C1orf159: variants seen among roughly 807,000 people sequenced by gnomAD.
C1orf159 encodes the protein chromosome 1 open reading frame 159, also known as uncharacterized protein C1orf159.
In C1orf159, 19 loss-of-function variants were observed where a neutral mutation model predicts 25.6. The observed-to-expected ratio is 0.74, with a 90% confidence interval of 0.52 to 1.09. The LOEUF (loss-of-function observed/expected upper bound fraction) is 1.09. Among genes scored for constraint, C1orf159 ranks in the 50% least tolerant of loss-of-function variants. C1orf159 has a pLI of 0.00. For missense variants in C1orf159, 274 were observed against 290.6 expected (o/e 0.94, Z 0.42); for synonymous variants, 139 against 124.7 (o/e 1.12, Z -0.77).
chr1:1,087,150 C>T lies in C1orf159; in HGVS notation c.299G>A (p.Arg100Gln), dbSNP rs144168476. ...PMNRSSGTPG[R>Q]PHPGAPRVAA... ...CTGCTGAGACTTACCAGGATGTGGC[C>T]GCCCGGGGGTCCCTGAGCTTCTGTT... Residue 100 changes from arginine to glutamine, a missense_variant, in exon 6 of 10, where the codon CGG becomes CAG. By Grantham distance (43) the Arg-to-Gln change is conservative. Transcript: ENST00000421241. The surrounding 1 kb of genome is among the most constrained non-coding windows in gnomAD (Gnocchi z 8.3). The T allele has an allele frequency of 4.0e-5, 64 of 1,609,426 alleles. No individual in the cohort carries two copies. The highest frequency in any genetic ancestry group is 6.7e-5 in the East Asian group (3 of 44,890).
intron 1 of C1orf159, among the ~76,000 whole-genome samples, chr1:1,115,255 C>T (rs763707880): frequency 3.4e-5 from 5 of 146,054 alleles, no homozygotes; most frequent in Non-Finnish European, 5.9e-5. Flanking sequence ...ACTCAATCAT[C>T]GACTCGCTGC....
intron 1 of C1orf159, among the ~76,000 whole-genome samples, chr1:1,101,647 G>C (rs1284165958): frequency 6.6e-6 from 1 of 151,974 alleles, no homozygotes; most frequent in Non-Finnish European, 1.5e-5. Flanking sequence ...CTATCAATCA[G>C]CTCACAGTCT....
chr1:1,084,278 G>GGC, intron 9 of C1orf159, 75 bp downstream of exon 9: 1 of 1,520,422 alleles, frequency 6.6e-7, no homozygotes, highest in Non-Finnish European at 8.8e-7. Flanking sequence ...CCCGTTTGGG[G>GGC]ACAAACCCAC....
rs533423837 is a variant in C1orf159 at position 1,084,353 on chromosome 1, C to T, written c.502G>A (p.Val168Ile). Residue 168 changes from valine (V) to isoleucine (I), a missense_variant and splice_region_variant, in exon 9 of 10, where the codon GTA becomes ATA. Coordinates refer to ENST00000421241, the MANE Select transcript of C1orf159 (RefSeq NM_017891.5). ...AAMIPPPQSS[V>I]RKPRYVRRER... ...AGGGGGATGCGACAGCTGCTGTTAC[C>T]TGAGGACTGTGGCGGGGGGATCATT... 1 of 1,559,636 alleles carries T rather than the reference C, an allele frequency of 6.4e-7. No individual in the cohort carries two copies. The highest frequency in any genetic ancestry group is 2.3e-5 in the East Asian group (1 of 44,186).
intron 7 of C1orf159, among the ~76,000 whole-genome samples, chr1:1,085,016 T>C (rs1416009821): frequency 6.6e-6 from 1 of 152,146 alleles, no homozygotes; most frequent in South Asian, 2.1e-4. Flanking sequence ...GACCAAGCCC[T>C]GAGCCCTGCT....
At chr1:1,098,661 C>G (rs916806443) in intron 1 of C1orf159, among the ~76,000 whole-genome samples, 1 of 152,152 alleles carries the variant, frequency 6.6e-6, no homozygotes, top group Non-Finnish European at 1.5e-5. Flanking sequence ...TCTTCTTGCC[C>G]AGGCTGGGGT....
intron 1 of C1orf159, among the ~76,000 whole-genome samples, chr1:1,103,165 A>G (rs1000040358): frequency 3.3e-5 from 5 of 152,176 alleles, no homozygotes; most frequent in African/African-American, 1.2e-4. Flanking sequence ...TGTTTGACCT[A>G]AAATTCCCAT....
In C1orf159 at chr1:1,082,908, A is replaced by G; in HGVS notation, c.582T>C (p.Arg194=). The change falls in exon 10 of 10, where the codon CGT becomes CGC. Residue 194 remains arginine, a synonymous_variant. Coordinates refer to ENST00000421241, the MANE Select transcript of C1orf159 (RefSeq NM_017891.5). ...TDPAAFPGEA[R]ISNV ...GGCCTCCAGGTCAGACATTGCTGATACGGGCCTCCCCCGGGAAGGCAGCGG... is the reference window on the plus strand; with the variant it reads ...GGCCTCCAGGTCAGACATTGCTGATGCGGGCCTCCCCCGGGAAGGCAGCGG... 1 of 1,595,038 alleles carries G rather than the reference A, an allele frequency of 6.3e-7. No homozygotes were observed.
intron 1 of C1orf159, among the ~76,000 whole-genome samples, chr1:1,103,350 T>C (rs1160676854): frequency 1.3e-5 from 2 of 152,240 alleles, no homozygotes; most frequent in Non-Finnish European, 2.9e-5. Flanking sequence ...CCTTCGAGAA[T>C]GGCTCACATT....
chr1:1,086,114 C>A (rs550581976), intron 6 of C1orf159, 102 bp from the exon 7 acceptor site: 1 of 1,406,534 alleles, frequency 7.1e-7, no homozygotes, highest in African/African-American at 1.4e-5. Context: ...GCTCTCTGAA[C>A]ATGCCTGAGC....
intron 1 of C1orf159, among the ~76,000 whole-genome samples, chr1:1,094,452 G>A (rs1389624574): frequency 6.6e-6 from 1 of 151,916 alleles, no homozygotes; most frequent in Non-Finnish European, 1.5e-5. Flanking sequence ...CCAGGCTGGA[G>A]TGCAGTGGCG....
chr1:1,104,818 G>GA (rs111307827), intron 1 of C1orf159, among the ~76,000 whole-genome samples: 2,341 of 142,936 alleles, frequency 0.016, 62 homozygotes, highest in African/African-American at 0.056. Flanking sequence ...TGTCTCAAAG[G>GA]AAAAAAAAAA....
chr1:1,094,050 T>C (rs573731698), intron 1 of C1orf159, among the ~76,000 whole-genome samples: 1 of 152,262 alleles, frequency 6.6e-6, no homozygotes, highest in African/African-American at 2.4e-5. Context: ...ACTCACATCT[T>C]CTGCCCATTT....
chr1:1,084,001 C>T, intron 9 of C1orf159: 1 of 1,605,460 alleles, frequency 6.2e-7, no homozygotes, highest in Non-Finnish European at 8.5e-7. Context: ...TGCGTCTGTC[C>T]TCGGGTGGAG....
chr1:1,084,460 C>G lies in C1orf159; in HGVS notation c.471+21G>C, dbSNP rs546951733. On this transcript the variant is annotated intron_variant, in intron 8 of 9. Transcript: ENST00000421241. ...CACACGCGGCCAGGGACGCTCAGCCCGGATGATGTGGGTTACTTACGGCTT... is the reference window on the plus strand; with the variant it reads ...CACACGCGGCCAGGGACGCTCAGCCGGGATGATGTGGGTTACTTACGGCTT... 5 of 1,569,696 alleles carry G rather than the reference C, an allele frequency of 3.2e-6. No homozygotes were observed. In the Admixed American group the frequency reaches 9.6e-5, roughly 30 times the overall value.
chr1:1,099,455 T>C (rs1327631715), intron 1 of C1orf159, among the ~76,000 whole-genome samples: 2 of 150,108 alleles, frequency 1.3e-5, no homozygotes, highest in African/African-American at 2.5e-5. Context: ...ATGTTTTTGG[T>C]CGATTGTTCT....
At chr1:1,103,582 G>A (rs776016689) in intron 1 of C1orf159, among the ~76,000 whole-genome samples, 3 of 152,002 alleles carry the variant, frequency 2.0e-5, no homozygotes, top group Non-Finnish European at 4.4e-5. Flanking sequence ...CAGGGGTCAG[G>A]GGTCTGCCAG....
chr1:1,100,638 T>C, intron 1 of C1orf159, among the ~76,000 whole-genome samples: 1 of 152,230 alleles, frequency 6.6e-6, no homozygotes, highest in South Asian at 2.1e-4. Flanking sequence ...ATTTGTTTTC[T>C]GATTGTCCCT....
At chr1:1,088,596 C>T (rs551002204) in intron 4 of C1orf159, among the ~76,000 whole-genome samples, 4 of 151,732 alleles carry the variant, frequency 2.6e-5, no homozygotes, top group African/African-American at 9.7e-5. Context: ...TTCCGCCCAC[C>T]GGCCAGGGCG....
Sources: allele counts gnomAD v4.1 joint callset (sites outside exome capture counted in the v4.1 genomes callset), GRCh38; gene constraint gnomAD v4.1.1; non-coding constraint Gnocchi (gnomAD v3.1); transcripts MANE v1.5; gene names NCBI Gene and HGNC (gene_info 2026-07-23, HGNC 2026-07-21).